EIF2AK4: variants seen among roughly 807,000 people sequenced by gnomAD.
The protein encoded by EIF2AK4 is eukaryotic translation initiation factor 2 alpha kinase 4, also known as eIF-2-alpha kinase GCN2.
Under a neutral mutation model 211.1 loss-of-function variants are expected in EIF2AK4, and 139 were observed. The ratio of observed to expected loss-of-function variants is 0.66; its 90% CI spans 0.57 to 0.76. The LOEUF (loss-of-function observed/expected upper bound fraction) is 0.76, where lower values mean the gene tolerates loss of function less well. Ranked by LOEUF, EIF2AK4 falls within the 30% of genes least tolerant of loss-of-function variation. The pLI, the probability that EIF2AK4 is intolerant of heterozygous loss-of-function variation, is 0.00. For missense variants in EIF2AK4, 1,664 were observed against 2,043.8 expected, an observed-to-expected ratio of 0.81 and a Z score of 3.58; for synonymous variants, 710 against 751.3, an observed-to-expected ratio of 0.94 and a Z score of 0.90.
chr15:40,009,840 G>A (rs1409324708), intron 26 of EIF2AK4, 110 bp downstream of exon 26: 2 of 773,528 alleles, frequency 2.6e-6, no homozygotes, highest in East Asian at 2.6e-5. Context: ...ACTGAATTGG[G>A]AGCCTTATCT....
intron 4 of EIF2AK4, among the ~76,000 whole-genome samples, chr15:39,950,091 T>C (rs2034285916): frequency 6.6e-6 from 1 of 152,096 alleles, no homozygotes; most frequent in Admixed American, 6.6e-5. Context: ...TTGATTCAGG[T>C]TATAAAAAAA....
At chr15:39,997,264 G>T (rs914261611) in intron 19 of EIF2AK4, among the ~76,000 whole-genome samples, 199 bp downstream of exon 19, 37 of 152,180 alleles carry the variant, frequency 2.4e-4, no homozygotes, top group African/African-American at 8.9e-4. Flanking sequence ...CTGAGCAAAG[G>T]AAGTCACCTC....
chr15:40,030,065 T>C (rs1381632382), intron 34 of EIF2AK4, among the ~76,000 whole-genome samples: 1 of 152,216 alleles, frequency 6.6e-6, no homozygotes. Context: ...GATATTCAGC[T>C]TGATTTTCTT....
At chr15:40,017,681 G>A (rs958951408) in intron 29 of EIF2AK4, among the ~76,000 whole-genome samples, 1 of 150,604 alleles carries the variant, frequency 6.6e-6, no homozygotes, top group Non-Finnish European at 1.5e-5. Flanking sequence ...GAGTAGCTGA[G>A]ACTACAGGCA....
Position 39,967,812 on chromosome 15 carries a change from G to T in EIF2AK4, c.1486G>T (p.Glu496Ter). The change falls in exon 9 of 39, where the codon GAA (glutamate) becomes TAA (stop). Residue 496 changes from glutamate to a stop codon, truncating the protein, a stop_gained. Coordinates refer to ENST00000263791, the MANE Select transcript of EIF2AK4 (RefSeq NM_001013703.4). LOFTEE classifies it high-confidence loss of function. ...GCTGCTGTCCCTCAGCCAAGGACAG[G>T]AATGTGGAGAGTACCCTGTGACCAT... The part of the protein sequence containing the change: ...LLLLSLSQGQ[E>*]CGEYPVTIPS... 6.2e-7 allele frequency: 1 copy of T among 1,614,242 alleles called. No individual in the cohort carries two copies. Among genetic ancestry groups the T allele is most frequent in the Non-Finnish European group, 8.5e-7 (1 of 1,180,042 alleles).
intron 4 of EIF2AK4, among the ~76,000 whole-genome samples, chr15:39,952,785 T>C (rs2034337715): frequency 2.0e-5 from 3 of 152,178 alleles, no homozygotes; most frequent in Admixed American, 2.0e-4. Flanking sequence ...TTGTTACTTA[T>C]TTTCTATTTA....
chr15:39,941,097 G>C (rs973011753), intron 2 of EIF2AK4, among the ~76,000 whole-genome samples: 2 of 152,118 alleles, frequency 1.3e-5, no homozygotes, highest in African/African-American at 4.8e-5. Context: ...CACCCTCCCA[G>C]CACCTCCCTG....
intron 23 of EIF2AK4, among the ~76,000 whole-genome samples, 180 bp from the exon 24 acceptor site, chr15:40,006,836 A>G (rs2035168511): frequency 6.6e-6 from 1 of 152,240 alleles, no homozygotes; most frequent in African/African-American, 2.4e-5. Flanking sequence ...AAAACACTGA[A>G]GAACATTTCA....
chr15:39,963,727 T>C (rs1343868409), intron 7 of EIF2AK4, among the ~76,000 whole-genome samples: 1 of 152,200 alleles, frequency 6.6e-6, no homozygotes, highest in East Asian at 1.9e-4. Context: ...AGAGTTCTTT[T>C]GATAATGTAT....
At chr15:39,954,065 T>C in intron 5 of EIF2AK4, 81 bp downstream of exon 5, 3 of 1,154,576 alleles carry the variant, frequency 2.6e-6, no homozygotes, top group African/African-American at 1.6e-5. Context: ...TCTGTGTTAC[T>C]ATCAGTAATA....
intron 35 of EIF2AK4, among the ~76,000 whole-genome samples, chr15:40,031,744 G>A (rs77925435): frequency 8.1e-6 from 1 of 124,168 alleles, no homozygotes; most frequent in Non-Finnish European, 1.8e-5. Flanking sequence ...TTTTTTTTTT[G>A]AGACAGAGTC....
chr15:39,996,314 T>G (rs904544620), intron 18 of EIF2AK4, among the ~76,000 whole-genome samples: 2 of 152,240 alleles, frequency 1.3e-5, no homozygotes, highest in Non-Finnish European at 2.9e-5. Flanking sequence ...CAAATTCTTA[T>G]GATCAATCTC....
rs750354755 is a variant in EIF2AK4 at position 39,955,712 on chromosome 15, C to T, written c.687C>T (p.Gly229=). The stretch of plus-strand genomic sequence containing the variant: ...GAACGGCTGCCATTCTACATGGAGG[C>T]TCTCCTGACTTTGTAGGAAATGGTA... ...GHRTAAILHG[G]SPDFVGNGKH... is the part of the protein sequence containing the mutation. The change falls in exon 6 of 39, where the codon GGC becomes GGT. Residue 229 remains glycine, a synonymous_variant. Transcript: ENST00000263791. 1 of 1,612,930 alleles carries T rather than the reference C, an allele frequency of 6.2e-7. No individual in the cohort carries two copies. The highest frequency in any genetic ancestry group is 1.1e-5 in the South Asian group (1 of 90,796).
Position 39,990,258 on chromosome 15 carries a change from ACT to A in EIF2AK4, c.2527-10_2527-9del. 1.2e-6 allele frequency: 2 copies of A among 1,610,692 alleles called. No individual in the cohort carries two copies. Among genetic ancestry groups the A allele is most frequent in the African/African-American group, 1.3e-5 (1 of 74,922 alleles). On this transcript the variant is annotated splice_polypyrimidine_tract_variant and intron_variant, in intron 15 of 38. Transcript: ENST00000263791. ...ATGGAAAACCATTGTTTGTTTCTTC[ACT>A]CTCTTTCAACAGGGAATGATTCACC...
intron 22 of EIF2AK4, 33 bp from the exon 23 acceptor site, chr15:40,003,160 T>A: frequency 6.2e-7 from 1 of 1,611,066 alleles, no homozygotes; most frequent in South Asian, 1.1e-5. Context: ...AATGTGAACC[T>A]GATGATGAGC....
intron 7 of EIF2AK4, among the ~76,000 whole-genome samples, chr15:39,964,356 A>G (rs191531268): frequency 6.6e-6 from 1 of 152,216 alleles, no homozygotes; most frequent in Non-Finnish European, 1.5e-5. Context: ...TATTTATATA[A>G]GAGAAAAAGG....
intron 10 of EIF2AK4, among the ~76,000 whole-genome samples, chr15:39,973,239 A>G (rs1427501404): frequency 6.6e-6 from 1 of 152,250 alleles, no homozygotes. Flanking sequence ...AGTCTCTTGT[A>G]GTGTTTAGTC....
At chr15:40,026,299 A>AT (rs932496297) in intron 33 of EIF2AK4, among the ~76,000 whole-genome samples, 4 of 151,696 alleles carry the variant, frequency 2.6e-5, no homozygotes, top group Admixed American at 1.3e-4. Context: ...TAAAAAAAAA[A>AT]TTTTTTTGAT....
chr15:39,954,862 A>G (rs1454577983), intron 5 of EIF2AK4, among the ~76,000 whole-genome samples: 1 of 152,224 alleles, frequency 6.6e-6, no homozygotes, highest in Non-Finnish European at 1.5e-5. Flanking sequence ...CTGAAGCACA[A>G]GCAAGCTTCT....
Sources: gnomAD v4.1 joint callset for allele counts (sites outside exome capture counted in the v4.1 genomes callset) on GRCh38, gnomAD v4.1.1 for gene constraint, MANE v1.5 for transcripts, NCBI Gene and HGNC (gene_info 2026-07-23, HGNC 2026-07-21) for gene names.